Variants in ZNF143 observed in about 807,000 individuals in gnomAD.
ZNF143 encodes SPH-binding factor.
In ZNF143, 49 loss-of-function variants were observed where a neutral mutation model predicts 74.1. That is an observed-to-expected ratio of 0.66 (90% CI 0.53 to 0.84). The LOEUF (loss-of-function observed/expected upper bound fraction) is 0.84, where lower values mean the gene tolerates loss of function less well. Ranked by LOEUF, ZNF143 falls within the 40% of genes least tolerant of loss-of-function variation. ZNF143 has a pLI of 0.00. For synonymous variants in ZNF143, 304 were observed against 282.8 expected (o/e 1.07, Z -0.75); for missense variants, 637 against 793.4 (o/e 0.80, Z 2.37).
At chr11:9,493,312 C>T (rs1219612926) in intron 7 of ZNF143, among the ~76,000 whole-genome samples, 2 of 151,952 alleles carry the variant, frequency 1.3e-5, no homozygotes, top group African/African-American at 4.8e-5. Flanking sequence ...CCTTGTGACC[C>T]GCCCGCCTCG....
intron 11 of ZNF143, among the ~76,000 whole-genome samples, chr11:9,502,646 T>A (rs369743349): frequency 6.6e-6 from 1 of 151,638 alleles, no homozygotes; most frequent in Non-Finnish European, 1.5e-5. Context: ...TGTTTTTTAG[T>A]ATATTCACAA....
chr11:9,466,024 C>T (rs1590486738), intron 1 of ZNF143, among the ~76,000 whole-genome samples: 2 of 151,730 alleles, frequency 1.3e-5, no homozygotes, highest in South Asian at 4.2e-4. Flanking sequence ...GGGAGTTCAC[C>T]CAGGCTGGAG....
intron 12 of ZNF143, among the ~76,000 whole-genome samples, chr11:9,511,543 C>T (rs1166822624): frequency 6.6e-6 from 1 of 151,122 alleles, no homozygotes; most frequent in Non-Finnish European, 1.5e-5. Context: ...ACCTCATGAT[C>T]CGCCCGCCTT....
intron 1 of ZNF143, among the ~76,000 whole-genome samples, chr11:9,468,542 G>A (rs1474957161): frequency 2.0e-5 from 3 of 152,214 alleles, no homozygotes; most frequent in Non-Finnish European, 2.9e-5. Context: ...AGAATTGGCA[G>A]TATGAACTCT....
At position 9,491,633 on chromosome 11, in the gene ZNF143, G is replaced by A. The variant is rs540606311; in HGVS notation, c.646-3013G>A. On this transcript the variant is annotated intron_variant, in intron 7 of 15. Coordinates refer to ENST00000396602, the MANE Select transcript of ZNF143 (RefSeq NM_003442.6). ...AGCCTGGGGAACAGAGTGAGACTCCGTCTCAAAAAAAAAAAAGACAGGTGT... is the reference window on the plus strand; with the variant it reads ...AGCCTGGGGAACAGAGTGAGACTCCATCTCAAAAAAAAAAAAGACAGGTGT... Among the ~76,000 whole-genome samples, 792 of 150,026 alleles carry A rather than the reference G, an allele frequency of 5.3e-3. 3 individuals carry two copies. The highest frequency in any genetic ancestry group is 7.8e-3 in the Non-Finnish European group (529 of 67,488).
chr11:9,467,481 C>T (rs934392313), intron 1 of ZNF143, among the ~76,000 whole-genome samples: 1 of 152,012 alleles, frequency 6.6e-6, no homozygotes, highest in African/African-American at 2.4e-5. Context: ...GGTGATCCAC[C>T]CGCCTCAGCC....
At chr11:9,518,083 C>CA in intron 14 of ZNF143, among the ~76,000 whole-genome samples, 2 of 152,144 alleles carry the variant, frequency 1.3e-5, no homozygotes, top group Middle Eastern at 3.4e-3. Context: ...AAAAATGAGC[C>CA]AAAAAAGTGT....
intron 7 of ZNF143, among the ~76,000 whole-genome samples, chr11:9,488,932 G>A (rs960879406): frequency 2.0e-5 from 3 of 152,094 alleles, no homozygotes; most frequent in African/African-American, 4.8e-5. Context: ...GAAGGTAAAT[G>A]TTAGCCTAGA....
At position 9,497,705 on chromosome 11, in the gene ZNF143, A is replaced by G. The variant is rs763278707; in HGVS notation, c.872A>G (p.His291Arg). The G allele has an allele frequency of 6.2e-7, 1 of 1,608,224 alleles. No homozygotes were observed. Among genetic ancestry groups the G allele is most frequent in the East Asian group, 2.2e-5 (1 of 44,836 alleles). The change falls in exon 10 of 16, where the codon CAT becomes CGT. Residue 291 changes from histidine to arginine, a missense_variant. Transcript: ENST00000396602. ...GYGLKSHVRT[H>R]TGEKPYRCSE... The stretch of plus-strand genomic sequence containing the variant: ...GGATTAAAAAGTCACGTCAGAACTC[A>G]TACAGGAGAAAAGCCATATCGGTGT...
chr11:9,470,243 C>T (rs926288164), intron 1 of ZNF143, among the ~76,000 whole-genome samples: 6 of 152,148 alleles, frequency 3.9e-5, no homozygotes, highest in African/African-American at 1.2e-4. Context: ...TATTGTACTT[C>T]TACTATGGGC....
At chr11:9,497,848 T>TTTTTC in intron 10 of ZNF143, 48 bp downstream of exon 10, 1 of 1,296,890 alleles carries the variant, frequency 7.7e-7, no homozygotes, top group Non-Finnish European at 1.0e-6. Flanking sequence ...TTTTTTTTTT[T>TTTTTC]GAGACGGAGT....
intron 7 of ZNF143, among the ~76,000 whole-genome samples, chr11:9,487,194 T>C (rs1365509036): frequency 2.7e-5 from 4 of 149,962 alleles, no homozygotes; most frequent in Non-Finnish European, 2.9e-5. Context: ...CTCGAACTCC[T>C]GACCTCAAGT....
intron 7 of ZNF143, among the ~76,000 whole-genome samples, chr11:9,481,252 G>T (rs1363240227): frequency 6.6e-6 from 1 of 152,038 alleles, no homozygotes; most frequent in African/African-American, 2.4e-5. Flanking sequence ...GCAAGGCATG[G>T]TGGCACACAT....
intron 1 of ZNF143, among the ~76,000 whole-genome samples, chr11:9,464,902 G>A (rs1427939774): frequency 6.6e-6 from 1 of 151,958 alleles, no homozygotes; most frequent in Non-Finnish European, 1.5e-5. Context: ...CAGCCTGGGC[G>A]ACAGAGGGAG....
At chr11:9,501,601 C>A (rs773182799) in intron 11 of ZNF143, among the ~76,000 whole-genome samples, 27 of 152,112 alleles carry the variant, frequency 1.8e-4, no homozygotes, top group Admixed American at 2.6e-4. Flanking sequence ...GGGGAGCAGT[C>A]ACTTCTGCAG....
At chr11:9,464,343 A>G (rs1236857229) in intron 1 of ZNF143, among the ~76,000 whole-genome samples, 1 of 152,146 alleles carries the variant, frequency 6.6e-6, no homozygotes, top group Non-Finnish European at 1.5e-5. Flanking sequence ...GCTCACGCCT[A>G]TAATCCCAGT....
At chr11:9,472,408 C>T (rs1013141525) in intron 2 of ZNF143, among the ~76,000 whole-genome samples, 15 of 152,050 alleles carry the variant, frequency 9.9e-5, no homozygotes, top group African/African-American at 3.4e-4. Context: ...TGCATGCCAC[C>T]GCGCCCGACT....
chr11:9,492,308 C>T (rs1199028080), intron 7 of ZNF143, among the ~76,000 whole-genome samples: 59 of 152,006 alleles, frequency 3.9e-4, no homozygotes, highest in Admixed American at 1.3e-4. Context: ...GACAGGGTTT[C>T]GCTGTGTTGG....
At chr11:9,521,132 A>G (rs951881806) in intron 14 of ZNF143, among the ~76,000 whole-genome samples, 5 of 152,216 alleles carry the variant, frequency 3.3e-5, no homozygotes, top group African/African-American at 1.2e-4. Context: ...TACTGTTGAA[A>G]CCTACACGTA....
Sources: allele counts gnomAD v4.1 joint callset (sites outside exome capture counted in the v4.1 genomes callset), GRCh38; gene constraint gnomAD v4.1.1; transcripts MANE v1.5; gene names NCBI Gene and HGNC (gene_info 2026-07-23, HGNC 2026-07-21).